Variants in TENM3 observed in about 807,000 individuals in gnomAD.
TENM3 encodes the protein teneurin transmembrane protein 3.
In TENM3, 63 loss-of-function variants were observed where a neutral mutation model predicts 255.1. The observed-to-expected ratio is 0.25, with a 90% CI of 0.20 to 0.30. The LOEUF is 0.30. TENM3 is among the 10% of genes least tolerant of loss of function. The probability of loss-of-function intolerance (pLI) is 1.00; values close to 1 mark genes in which losing one functional copy is unlikely to be tolerated. For synonymous variants in TENM3, 1,306 were observed against 1,322.3 expected, an observed-to-expected ratio of 0.99 and a Z score of 0.27; for missense variants, 2,929 against 3,461.1, an observed-to-expected ratio of 0.85 and a Z score of 3.86.
intron 6 of TENM3, among the ~76,000 whole-genome samples, chr4:182,660,667 TTATATTTTTAGTTATTTGA>T (rs1193814739): frequency 3.9e-5 from 6 of 152,250 alleles, no homozygotes; most frequent in Admixed American, 6.5e-5. Flanking sequence ...CATTCGTTAT[TTATATTTTTAGTTATTTGA>T]ATTTTATGAA....
the TENM3 span, among the ~76,000 whole-genome samples, chr4:181,938,260 G>T: frequency 1.3e-5 from 2 of 152,118 alleles, no homozygotes; most frequent in South Asian, 2.1e-4. Flanking sequence ...GAAAGTTAAA[G>T]TCATTTGGGG....
chr4:182,161,771 A>AG (rs1561153256), intron 1 of TENM3, among the ~76,000 whole-genome samples: 36 of 3,138 alleles, frequency 0.011, 7 homozygotes, highest in African/African-American at 0.048. Flanking sequence ...ATATATGTGT[A>AG]TATATATATA....
intron 6 of TENM3, among the ~76,000 whole-genome samples, chr4:182,662,740 T>A (rs1015670264): frequency 1.3e-5 from 2 of 152,218 alleles, no homozygotes; most frequent in Non-Finnish European, 2.9e-5. Flanking sequence ...CTAAGAGGAC[T>A]GATGAGCTTC....
chr4:181,773,688 G>A, the TENM3 span, among the ~76,000 whole-genome samples: 4 of 152,236 alleles, frequency 2.6e-5, no homozygotes, highest in East Asian at 7.7e-4. Flanking sequence ...AGTAGGGTGA[G>A]GTCTGTTGTG....
the TENM3 span, among the ~76,000 whole-genome samples, chr4:181,736,092 G>T: frequency 6.6e-6 from 1 of 152,108 alleles, no homozygotes; most frequent in Non-Finnish European, 1.5e-5. Flanking sequence ...GAGGTCAGGA[G>T]TTCAAGACCA....
intron 1 of TENM3, among the ~76,000 whole-genome samples, chr4:182,161,544 G>A (rs1269532012): frequency 3.1e-5 from 4 of 127,488 alleles, no homozygotes; most frequent in African/African-American, 8.9e-5. Flanking sequence ...CCGAGATCAC[G>A]CCACTGCACT....
At chr4:182,615,477 A>AG (rs952894775) in intron 4 of TENM3, among the ~76,000 whole-genome samples, 1 of 152,166 alleles carries the variant, frequency 6.6e-6, no homozygotes, top group Non-Finnish European at 1.5e-5. Context: ...CCCTTAGCCA[A>AG]GGTACTTGTG....
At chr4:182,295,362 A>G (rs1367150445) in intron 1 of TENM3, among the ~76,000 whole-genome samples, 4 of 141,426 alleles carry the variant, frequency 2.8e-5, no homozygotes, top group Non-Finnish European at 6.0e-5. Flanking sequence ...CTGCCTCCCG[A>G]GTTCAAGTGA....
intron 3 of TENM3, among the ~76,000 whole-genome samples, chr4:182,443,724 C>A (rs9992159): frequency 0.29 from 43,667 of 151,974 alleles, 6,778 homozygotes; most frequent in Middle Eastern, 0.4. Context: ...GACCTCATCA[C>A]ACACACCCAG....
the TENM3 span, among the ~76,000 whole-genome samples, chr4:181,453,427 G>A: frequency 6.6e-6 from 1 of 152,058 alleles, no homozygotes; most frequent in South Asian, 2.1e-4. Context: ...GAGATGGAGT[G>A]GAGGAAAAGG....
intron 2 of TENM3, among the ~76,000 whole-genome samples, chr4:182,334,570 C>T (rs1763983949): frequency 6.6e-6 from 1 of 152,000 alleles, no homozygotes; most frequent in Admixed American, 6.6e-5. Context: ...GATGAAGCTG[C>T]TGTAATCATG....
chr4:181,859,495 G>A, the TENM3 span, among the ~76,000 whole-genome samples: 1 of 152,144 alleles, frequency 6.6e-6, no homozygotes. Context: ...CTAAGGAAAT[G>A]TTTATTACTG....
the TENM3 span, among the ~76,000 whole-genome samples, chr4:181,798,323 T>TA: frequency 1.3e-5 from 2 of 152,026 alleles, no homozygotes; most frequent in African/African-American, 4.8e-5. Context: ...TTTATTTATT[T>TA]TTTGAGATGG....
intron 1 of TENM3, among the ~76,000 whole-genome samples, chr4:182,177,504 C>A (rs1332275267): frequency 6.6e-6 from 1 of 151,722 alleles, no homozygotes; most frequent in Non-Finnish European, 1.5e-5. Flanking sequence ...GCTATGGAAC[C>A]ACCCTGAAAA....
intron 19 of TENM3, 54 bp from the exon 20 acceptor site, chr4:182,751,746 C>A: frequency 1.5e-6 from 2 of 1,291,662 alleles, no homozygotes; most frequent in Non-Finnish European, 2.2e-6. Flanking sequence ...TTTAATTTCC[C>A]TCTGTGTATT....
intron 7 of TENM3, 111 bp downstream of exon 7, chr4:182,673,330 C>A (rs890424037): frequency 4.1e-5 from 28 of 687,832 alleles, no homozygotes; most frequent in African/African-American, 2.9e-4. Context: ...ACTTTTGAAT[C>A]GACTTTCTAC....
At chr4:182,485,787 A>G (rs1256356003) in intron 3 of TENM3, among the ~76,000 whole-genome samples, 1 of 152,182 alleles carries the variant, frequency 6.6e-6, no homozygotes, top group Non-Finnish European at 1.5e-5. Context: ...GCTGAGAAAG[A>G]CAGCATCCCT....
intron 1 of TENM3, among the ~76,000 whole-genome samples, chr4:182,224,484 G>A (rs1756026709): frequency 6.6e-6 from 1 of 152,150 alleles, no homozygotes; most frequent in Non-Finnish European, 1.5e-5. Context: ...CGAAAACTGT[G>A]TAAATTGAAT....
At position 182,467,819 on chromosome 4, in the gene TENM3, T is replaced by C. The variant is rs150262304; in HGVS notation, c.511+120890T>C. Among the ~76,000 whole-genome samples, 35 of 152,286 alleles carry C rather than the reference T, an allele frequency of 2.3e-4. 1 individual carries two copies. In the East Asian group the frequency reaches 5.8e-3, roughly 25 times the overall value. ...ACCCTGTAAAGATCCAATCTGGTAA[T>C]TAGAGTGTTAGAGTGGTTTATGCCT... On this transcript the variant is annotated intron_variant, in intron 3 of 27. Transcript: ENST00000511685.
Sources: allele counts gnomAD v4.1 joint callset (sites outside exome capture counted in the v4.1 genomes callset), GRCh38; gene constraint gnomAD v4.1.1; transcripts MANE v1.5; gene names NCBI Gene and HGNC (gene_info 2026-07-23, HGNC 2026-07-21).